The following IMMP2L variants were observed in gnomAD, a reference collection of about 807,000 sequenced individuals.
IMMP2L encodes mitochondrial inner membrane protease subunit 2.
In IMMP2L, 18 loss-of-function variants were observed where a neutral mutation model predicts 19.3. The observed-to-expected ratio is 0.93, with a 90% CI of 0.64 to 1.38. The LOEUF is 1.38. Among genes scored for constraint, IMMP2L ranks in the 40% most tolerant of loss-of-function variants. IMMP2L has a pLI of 0.00. For synonymous variants in IMMP2L, 76 were observed against 73.0 expected (o/e 1.04, Z -0.21); for missense variants, 233 against 218.2 (o/e 1.07, Z -0.43).
At chr7:111,070,801 T>C (rs1692193083) in intron 3 of IMMP2L, among the ~76,000 whole-genome samples, 2 of 152,224 alleles carry the variant, frequency 1.3e-5, no homozygotes, top group South Asian at 4.1e-4. Context: ...AAACCTACAC[T>C]TCTTAAATAT....
At chr7:111,087,054 C>T (rs1233487506) in intron 3 of IMMP2L, among the ~76,000 whole-genome samples, 2 of 152,182 alleles carry the variant, frequency 1.3e-5, no homozygotes, top group Non-Finnish European at 2.9e-5. Flanking sequence ...GCAGACAGAA[C>T]TGAGTTCAAA....
At chr7:111,232,416 C>G (rs1403235608) in intron 3 of IMMP2L, among the ~76,000 whole-genome samples, 1 of 147,764 alleles carries the variant, frequency 6.8e-6, no homozygotes, top group Non-Finnish European at 1.5e-5. Flanking sequence ...TATGTGTGAA[C>G]TCAGGAGTCA....
intron 3 of IMMP2L, among the ~76,000 whole-genome samples, chr7:111,450,490 A>T (rs540618133): frequency 0.014 from 2,167 of 151,886 alleles, 50 homozygotes; most frequent in African/African-American, 0.049. Context: ...CGGTGCTGGG[A>T]AAACTGGCTA....
At chr7:110,701,036 A>C (rs572124195) in intron 5 of IMMP2L, among the ~76,000 whole-genome samples, 67 of 152,348 alleles carry the variant, frequency 4.4e-4, no homozygotes, top group Middle Eastern at 3.4e-3. Flanking sequence ...GAAGGGTTAC[A>C]GTTAAGGAAT....
chr7:111,057,078 A>G (rs1793579164), intron 3 of IMMP2L, among the ~76,000 whole-genome samples: 1 of 152,200 alleles, frequency 6.6e-6, no homozygotes, highest in Non-Finnish European at 1.5e-5. Flanking sequence ...AATTGTTAAT[A>G]AAATTCTTTT....
chr7:110,770,901 T>C (rs776229404), intron 5 of IMMP2L, among the ~76,000 whole-genome samples: 3 of 152,104 alleles, frequency 2.0e-5, no homozygotes, highest in Non-Finnish European at 2.9e-5. Flanking sequence ...GTAATTAACA[T>C]GAACATTGCT....
intron 3 of IMMP2L, among the ~76,000 whole-genome samples, chr7:110,974,199 C>A (rs561302986): frequency 6.6e-6 from 1 of 152,124 alleles, no homozygotes; most frequent in Non-Finnish European, 1.5e-5. Flanking sequence ...GAAACATATG[C>A]TCACCACCCA....
chr7:111,535,345 A>G (rs901184422), intron 1 of IMMP2L, among the ~76,000 whole-genome samples: 1 of 152,122 alleles, frequency 6.6e-6, no homozygotes, highest in Non-Finnish European at 1.5e-5. Flanking sequence ...AAAGAGGGGG[A>G]AAAAGAGGAA....
intron 5 of IMMP2L, among the ~76,000 whole-genome samples, chr7:110,706,991 A>ATTTTT (rs57136908): frequency 2.2e-5 from 3 of 134,482 alleles, no homozygotes; most frequent in African/African-American, 8.3e-5. Flanking sequence ...TTACACTTAA[A>ATTTTT]TTTTTTTTTT....
chr7:111,408,554 C>T (rs543385637), intron 3 of IMMP2L, among the ~76,000 whole-genome samples: 1 of 151,812 alleles, frequency 6.6e-6, no homozygotes, highest in African/African-American at 2.4e-5. Flanking sequence ...CATTTTGTTC[C>T]TGTAACTGAA....
At chr7:110,967,675 T>A (rs1349159216) in intron 3 of IMMP2L, among the ~76,000 whole-genome samples, 1 of 152,004 alleles carries the variant, frequency 6.6e-6, no homozygotes, top group Admixed American at 6.6e-5. Flanking sequence ...ATTATTGAGG[T>A]GAAAGGAAAA....
chr7:111,208,873 T>C (rs372057083), intron 3 of IMMP2L, among the ~76,000 whole-genome samples: 19 of 152,292 alleles, frequency 1.2e-4, no homozygotes, highest in African/African-American at 3.9e-4. Context: ...TTGGGAGCAA[T>C]AGATTTTTAA....
chr7:111,518,477 G>A (rs1302623417), intron 2 of IMMP2L, among the ~76,000 whole-genome samples: 1 of 152,080 alleles, frequency 6.6e-6, no homozygotes, highest in Non-Finnish European at 1.5e-5. Flanking sequence ...AAACAGCTGT[G>A]TTCCTTGCAG....
At chr7:111,003,449 T>G (rs555089518) in intron 3 of IMMP2L, among the ~76,000 whole-genome samples, 2 of 152,130 alleles carry the variant, frequency 1.3e-5, no homozygotes. Context: ...AACTACAAAG[T>G]ACTACACGAA....
intron 3 of IMMP2L, among the ~76,000 whole-genome samples, chr7:111,431,252 T>G (rs1836600245): frequency 6.6e-6 from 1 of 151,828 alleles, no homozygotes. Context: ...CCAGATAAAT[T>G]AAGAGAGAAA....
intron 3 of IMMP2L, among the ~76,000 whole-genome samples, chr7:111,271,079 G>A (rs1247929295): frequency 6.6e-6 from 1 of 152,104 alleles, no homozygotes; most frequent in Non-Finnish European, 1.5e-5. Flanking sequence ...TTTAATCACG[G>A]GGACAGTTAC....
intron 4 of IMMP2L, among the ~76,000 whole-genome samples, chr7:110,948,096 A>G (rs1237706125): frequency 6.6e-6 from 1 of 152,200 alleles, no homozygotes; most frequent in African/African-American, 2.4e-5. Context: ...AGGATGATCA[A>G]TTTCAAAATC....
chr7:110,812,599 G>A (rs542803652), intron 5 of IMMP2L, among the ~76,000 whole-genome samples: 2 of 152,156 alleles, frequency 1.3e-5, no homozygotes, highest in South Asian at 4.1e-4. Flanking sequence ...GCTCAGGCTA[G>A]ACTTGGAATT....
chr7:111,249,600 C>A (rs892039425), intron 3 of IMMP2L, among the ~76,000 whole-genome samples: 3 of 152,084 alleles, frequency 2.0e-5, no homozygotes, highest in Non-Finnish European at 4.4e-5. Context: ...AGAAAACTAT[C>A]CATTTAGAAG....
Sources: allele counts gnomAD v4.1 joint callset (sites outside exome capture counted in the v4.1 genomes callset), GRCh38; gene constraint gnomAD v4.1.1; transcripts MANE v1.5; gene names NCBI Gene and HGNC (gene_info 2026-07-23, HGNC 2026-07-21).